Variants in RNF121 observed in about 807,000 individuals in gnomAD.
RNF121 encodes the protein E3 ubiquitin ligase RNF121.
A neutral mutation model predicts 46.5 loss-of-function variants in RNF121; 21 were observed. The ratio of observed to expected loss-of-function variants is 0.45; its 90% CI spans 0.32 to 0.65. RNF121 has a LOEUF of 0.65. Ranked by LOEUF, RNF121 falls within the 30% of genes least tolerant of loss-of-function variation. The pLI, the probability that RNF121 is intolerant of heterozygous loss-of-function variation, is 0.04. For missense variants in RNF121, 346 were observed against 416.0 expected, an observed-to-expected ratio of 0.83 and a Z score of 1.46; for synonymous variants, 139 against 144.7, an observed-to-expected ratio of 0.96 and a Z score of 0.28.
chr11:71,934,082 C>T (rs1487275872), intron 1 of RNF121, among the ~76,000 whole-genome samples: 1 of 152,122 alleles, frequency 6.6e-6, no homozygotes, highest in Non-Finnish European at 1.5e-5. Context: ...TTTTGAAATT[C>T]CACCTGCCCT....
intron 3 of RNF121, among the ~76,000 whole-genome samples, chr11:71,968,630 A>G (rs968540243): frequency 7.2e-5 from 11 of 152,308 alleles, no homozygotes; most frequent in African/African-American, 2.6e-4. Context: ...TTACGTAGAC[A>G]TAATTAATAA....
chr11:71,967,987 G>A (rs1461250274), intron 3 of RNF121, among the ~76,000 whole-genome samples: 1 of 151,920 alleles, frequency 6.6e-6, no homozygotes, highest in Non-Finnish European at 1.5e-5. Flanking sequence ...AATTTGCTAC[G>A]GATATCTTTC....
At chr11:71,961,965 G>C (rs1394850733) in intron 3 of RNF121, among the ~76,000 whole-genome samples, 7 of 108,366 alleles carry the variant, frequency 6.5e-5, no homozygotes, top group African/African-American at 2.1e-4. Context: ...AATCTGCAAA[G>C]ATTTTTTTTT....
chr11:71,933,092 A>T (rs1213289783), intron 1 of RNF121, among the ~76,000 whole-genome samples: 1 of 152,222 alleles, frequency 6.6e-6, no homozygotes, highest in Non-Finnish European at 1.5e-5. Flanking sequence ...CCAAAAGCCA[A>T]TCTACTCCTG....
intron 3 of RNF121, among the ~76,000 whole-genome samples, chr11:71,977,528 T>C (rs558687939): frequency 3.9e-5 from 6 of 152,338 alleles, no homozygotes; most frequent in South Asian, 2.1e-4. Context: ...TCAACTGTTT[T>C]AGCCTTGTGG....
intron 3 of RNF121, among the ~76,000 whole-genome samples, chr11:71,968,295 A>G (rs1331610260): frequency 6.6e-6 from 1 of 152,158 alleles, no homozygotes; most frequent in African/African-American, 2.4e-5. Flanking sequence ...CTGGACTTCA[A>G]GTGATCAAAC....
chr11:71,933,282 GT>G (rs1953319978), intron 1 of RNF121, among the ~76,000 whole-genome samples: 1 of 152,298 alleles, frequency 6.6e-6, no homozygotes, highest in Admixed American at 6.5e-5. Flanking sequence ...CCACTCTCAA[GT>G]CCTATTTATC....
At position 71,929,067 on chromosome 11, in the gene RNF121, G is replaced by T; in HGVS notation, c.6G>T (p.Ala2=). 6.4e-7 allele frequency: 1 copy of T among 1,551,470 alleles called. No homozygotes were observed. The highest frequency in any genetic ancestry group is 1.2e-5 in the South Asian group (1 of 84,042). The stretch of plus-strand genomic sequence containing the variant: ...TGAGGGGGCGAGCCGTGAAGATGGC[G>T]GCAGTGGTGGAGGTGGAGGTTGGAG... The part of the protein sequence containing the change: M[A]AVVEVEVGGG... Residue 2 remains alanine, a synonymous_variant, in exon 1 of 9, where the codon GCG becomes GCT. Transcript: ENST00000361756.
chr11:71,987,223 A>G, intron 5 of RNF121, 112 bp downstream of exon 5: 1 of 718,318 alleles, frequency 1.4e-6, no homozygotes, highest in Non-Finnish European at 2.5e-6. Flanking sequence ...TATCCAGGAT[A>G]GGAGACTTGG....
At chr11:71,995,399 G>A (rs940005610) in intron 7 of RNF121, 51 bp from the exon 8 acceptor site, 7 of 1,432,634 alleles carry the variant, frequency 4.9e-6, no homozygotes, top group South Asian at 1.2e-5. Context: ...ACTGTCTGGG[G>A]CTGGAGTGCC....
At chr11:71,962,412 C>G (rs906433024) in intron 3 of RNF121, 17 of 433,940 alleles carry the variant, frequency 3.9e-5, no homozygotes, top group Non-Finnish European at 4.9e-5. Context: ...AGAGGCTGCT[C>G]TGCTTGATAT....
intron 6 of RNF121, among the ~76,000 whole-genome samples, chr11:71,994,263 G>A (rs190069417): frequency 2.0e-5 from 3 of 152,296 alleles, no homozygotes; most frequent in Admixed American, 2.0e-4. Context: ...ACAAATGTCT[G>A]AGAATGCCCT....
chr11:71,993,300 A>G (rs1475982055), intron 6 of RNF121, among the ~76,000 whole-genome samples: 1 of 152,200 alleles, frequency 6.6e-6, no homozygotes, highest in East Asian at 1.9e-4. Flanking sequence ...GTTCTGCAAC[A>G]TTTTCACTGT....
intron 6 of RNF121, among the ~76,000 whole-genome samples, chr11:71,992,271 C>T (rs1954879106): frequency 6.6e-6 from 1 of 152,192 alleles, no homozygotes; most frequent in African/African-American, 2.4e-5. Flanking sequence ...CTTGATTTAA[C>T]CCACAGCCGC....
At chr11:71,984,257 A>C (rs558365009) in intron 4 of RNF121, among the ~76,000 whole-genome samples, 1 of 152,256 alleles carries the variant, frequency 6.6e-6, no homozygotes, top group Non-Finnish European at 1.5e-5. Flanking sequence ...TCTGTAATAC[A>C]GAGGATTTTT....
chr11:71,937,773 T>C (rs1175786896), intron 1 of RNF121, among the ~76,000 whole-genome samples: 1 of 152,200 alleles, frequency 6.6e-6, no homozygotes, highest in African/African-American at 2.4e-5. Context: ...CTCTGGGGGA[T>C]GTAGGCCCAG....
intron 1 of RNF121, among the ~76,000 whole-genome samples, chr11:71,956,848 G>A (rs1228309352): frequency 2.0e-5 from 3 of 152,188 alleles, no homozygotes; most frequent in Non-Finnish European, 4.4e-5. Flanking sequence ...AAACACCCCA[G>A]ATTGGGTTAA....
intron 1 of RNF121, among the ~76,000 whole-genome samples, chr11:71,939,784 G>A (rs527543528): frequency 2.6e-5 from 4 of 152,264 alleles, no homozygotes; most frequent in African/African-American, 9.6e-5. Context: ...AAGTCACTAT[G>A]TATTTATTGT....
At chr11:71,993,903 C>T (rs941002359) in intron 6 of RNF121, among the ~76,000 whole-genome samples, 5 of 145,924 alleles carry the variant, frequency 3.4e-5, no homozygotes, top group East Asian at 2.0e-4. Context: ...TGCAGTGGTG[C>T]GATCTCGGCT....
Sources: gnomAD v4.1 joint callset for allele counts (sites outside exome capture counted in the v4.1 genomes callset) on GRCh38, gnomAD v4.1.1 for gene constraint, MANE v1.5 for transcripts, NCBI Gene and HGNC (gene_info 2026-07-23, HGNC 2026-07-21) for gene names.